The following ZFAND3 variants were observed in gnomAD, a reference collection of about 807,000 sequenced individuals.
ZFAND3 encodes the protein AN1-type zinc finger protein 3.
In ZFAND3, 10 loss-of-function variants were observed where a neutral mutation model predicts 29.6. The observed-to-expected ratio is 0.34, with a 90% CI of 0.21 to 0.57. The LOEUF is 0.57. Among genes scored for constraint, ZFAND3 ranks in the 20% least tolerant of loss-of-function variants. ZFAND3 has a pLI of 0.86. For missense variants in ZFAND3, 230 were observed against 304.5 expected, an observed-to-expected ratio of 0.76 and a Z score of 1.82; for synonymous variants, 128 against 112.6, an observed-to-expected ratio of 1.14 and a Z score of -0.87.
chr6:38,017,588 C>A (rs1380011048), intron 2 of ZFAND3, among the ~76,000 whole-genome samples: 1 of 151,764 alleles, frequency 6.6e-6, no homozygotes, highest in African/African-American at 2.4e-5. Context: ...GTTCTTAAAG[C>A]GGTAAAGGGA....
chr6:38,134,510 A>G (rs1173454580), intron 5 of ZFAND3, among the ~76,000 whole-genome samples: 1 of 152,182 alleles, frequency 6.6e-6, no homozygotes. Flanking sequence ...AGAGCTCTGT[A>G]AACAGTGCAC....
intron 2 of ZFAND3, among the ~76,000 whole-genome samples, chr6:38,000,435 T>C (rs1244912621): frequency 6.6e-6 from 1 of 152,200 alleles, no homozygotes; most frequent in Non-Finnish European, 1.5e-5. Context: ...AGAGGTTTAA[T>C]GGACTCACAT....
chr6:37,891,454 T>C (rs1256267852), intron 1 of ZFAND3, among the ~76,000 whole-genome samples: 2 of 135,580 alleles, frequency 1.5e-5, no homozygotes, highest in African/African-American at 6.0e-5. Flanking sequence ...ATTAGCCGGG[T>C]GTGGCAGTGC....
intron 4 of ZFAND3, among the ~76,000 whole-genome samples, chr6:38,096,181 C>A (rs1273527106): frequency 1.3e-5 from 2 of 151,858 alleles, no homozygotes; most frequent in African/African-American, 4.8e-5. Flanking sequence ...GTTGTCCCCC[C>A]CAACCCCCCG....
At chr6:37,991,949 T>C (rs182251820) in intron 2 of ZFAND3, among the ~76,000 whole-genome samples, 212 of 152,360 alleles carry the variant, frequency 1.4e-3, no homozygotes, top group Non-Finnish European at 6.2e-4. Context: ...AAAATAAATA[T>C]ATGAAATGTT....
At chr6:38,126,538 C>T (rs143547546) in intron 5 of ZFAND3, among the ~76,000 whole-genome samples, 225 of 152,292 alleles carry the variant, frequency 1.5e-3, no homozygotes, top group Middle Eastern at 0.014. Context: ...CCAGTTTCTT[C>T]CTGTTCTCGC....
At chr6:38,040,394 T>G (rs1300494038) in intron 2 of ZFAND3, among the ~76,000 whole-genome samples, 2 of 152,200 alleles carry the variant, frequency 1.3e-5, no homozygotes, top group Admixed American at 1.3e-4. Flanking sequence ...TTCATTCATA[T>G]TGTAGCATTG....
At chr6:38,001,700 A>G (rs1417122577) in intron 2 of ZFAND3, among the ~76,000 whole-genome samples, 1 of 152,084 alleles carries the variant, frequency 6.6e-6, no homozygotes, top group Non-Finnish European at 1.5e-5. Flanking sequence ...TGGTGGAGTG[A>G]GATGTCTGGT....
At position 37,965,346 on chromosome 6, in the gene ZFAND3, G is replaced by A. The variant is rs540533136; in HGVS notation, c.112+35347G>A. On this transcript the variant is annotated intron_variant, in intron 2 of 5. Transcript: ENST00000287218. ...TGATCTGTGGACTGTGAGTAGCACT[G>A]TCCTGGTGTATACAGACACAGTCTC... is the stretch of plus-strand genomic sequence containing the variant. Among the ~76,000 whole-genome samples the A allele has an allele frequency of 3.3e-5, 5 of 152,284 alleles. 1 individual carries two copies. The South Asian group carries it at 1.0e-3, about 32-fold the overall frequency.
At chr6:37,995,532 T>C (rs12661480) in intron 2 of ZFAND3, among the ~76,000 whole-genome samples, 13,436 of 152,212 alleles carry the variant, frequency 0.088, 774 homozygotes, top group East Asian at 0.29. Flanking sequence ...TTCTTCACCA[T>C]GTTGTTGGAA....
chr6:38,063,101 T>G (rs1440804489), intron 3 of ZFAND3, among the ~76,000 whole-genome samples: 3 of 152,108 alleles, frequency 2.0e-5, no homozygotes, highest in African/African-American at 7.2e-5. Context: ...GAAAGCTAAG[T>G]TGAAATTTAG....
At chr6:38,113,144 A>G (rs1765352233) in intron 4 of ZFAND3, among the ~76,000 whole-genome samples, 1 of 152,064 alleles carries the variant, frequency 6.6e-6, no homozygotes, top group Non-Finnish European at 1.5e-5. Flanking sequence ...GCTATCTGGA[A>G]TAGTTCTTTG....
At chr6:37,974,524 C>T (rs1375833377) in intron 2 of ZFAND3, among the ~76,000 whole-genome samples, 1 of 151,776 alleles carries the variant, frequency 6.6e-6, no homozygotes, top group Non-Finnish European at 1.5e-5. Flanking sequence ...CCCACCTCAG[C>T]CTCCTGAGTA....
intron 5 of ZFAND3, among the ~76,000 whole-genome samples, chr6:38,146,049 C>G (rs1377810359): frequency 2.0e-5 from 3 of 152,200 alleles, no homozygotes; most frequent in Non-Finnish European, 4.4e-5. Context: ...TGCTCTACCC[C>G]CATCACTGTG....
At chr6:38,123,755 G>T (rs550432210) in intron 5 of ZFAND3, among the ~76,000 whole-genome samples, 5 of 152,242 alleles carry the variant, frequency 3.3e-5, no homozygotes, top group African/African-American at 1.2e-4. Flanking sequence ...GATGTGTCCG[G>T]AGTTTGTTCC....
chr6:37,889,138 A>G (rs1049671182), intron 1 of ZFAND3, among the ~76,000 whole-genome samples: 6 of 152,238 alleles, frequency 3.9e-5, no homozygotes, highest in African/African-American at 1.4e-4. Flanking sequence ...ACGTAGTTAA[A>G]AAATGACTAC....
Position 38,154,564 on chromosome 6 carries a change from A to G in ZFAND3, c.*2175A>G, listed in dbSNP as rs2127500727. On this transcript the variant is annotated 3_prime_UTR_variant, in exon 6 of 6. Coordinates refer to ENST00000287218, the MANE Select transcript of ZFAND3 (RefSeq NM_021943.3). ...TTAACATTGTGAAAATATTAAAAGA[A>G]TCTTGTAACTTTATTCTTTTTTCTC... 1 of 973,606 alleles carries G rather than the reference A, an allele frequency of 1.0e-6. No homozygotes were observed. Among genetic ancestry groups the G allele is most frequent in the East Asian group, 1.1e-4 (1 of 8,758 alleles). The allele number at this position is 973,606 out of a possible 1,614,324, so 60.3% of individuals were successfully genotyped here. A position where few individuals can be genotyped will look rare whatever the true frequency, so the allele number is the denominator to read the frequency against.
intron 5 of ZFAND3, among the ~76,000 whole-genome samples, chr6:38,125,955 C>A (rs566858516): frequency 6.6e-6 from 1 of 151,950 alleles, no homozygotes; most frequent in South Asian, 2.1e-4. Context: ...TTATTCATTT[C>A]TTTTTAAAAT....
intron 4 of ZFAND3, among the ~76,000 whole-genome samples, chr6:38,111,232 C>T (rs905343008): frequency 4.6e-5 from 7 of 152,238 alleles, no homozygotes; most frequent in African/African-American, 1.4e-4. Context: ...ACAACCAGCC[C>T]ACCATATCCA....
Sources: allele counts gnomAD v4.1 joint callset (sites outside exome capture counted in the v4.1 genomes callset), GRCh38; gene constraint gnomAD v4.1.1; transcripts MANE v1.5; gene names NCBI Gene and HGNC (gene_info 2026-07-23, HGNC 2026-07-21).